FAM120B: variants seen among roughly 807,000 people sequenced by gnomAD.
The protein encoded by FAM120B is constitutive coactivator of peroxisome proliferator-activated receptor gamma.
FAM120B carries 83 observed loss-of-function variants against 96.3 expected under a neutral mutation model. That is an observed-to-expected ratio of 0.86 (90% CI 0.72 to 1.03). The LOEUF is 1.03. FAM120B is among the 50% of genes least tolerant of loss of function. The pLI is 0.00. For missense variants in FAM120B, 1,027 were observed against 1,121.2 expected (o/e 0.92, Z 1.20); for synonymous variants, 407 against 402.7 (o/e 1.01, Z -0.13).
intron 3 of FAM120B, among the ~76,000 whole-genome samples, chr6:170,324,190 A>C (rs926286090): frequency 1.7e-4 from 26 of 152,226 alleles, no homozygotes; most frequent in African/African-American, 4.8e-4. Flanking sequence ...TGGTGATAGA[A>C]TCATCAGATG....
Position 170,318,860 on chromosome 6 carries a change from C to T in FAM120B, c.1470C>T (p.Asp490=). The change falls in exon 2 of 11, where the codon GAC becomes GAT. Residue 490 remains aspartate (D), a synonymous_variant. Transcript: ENST00000476287. ...ESRQEVLIRT[D]PESRQEIMCT... ...GGCAAGAAGTTTTAATACGGACAGA[C>T]CCTGAATCTAGGCAAGAAATTATGT... 1 of 1,614,156 alleles carries T rather than the reference C, an allele frequency of 6.2e-7. No individual in the cohort carries two copies. Among genetic ancestry groups the T allele is most frequent in the Non-Finnish European group, 8.5e-7 (1 of 1,180,028 alleles).
chr6:170,299,368 C>T (rs1784094521), intron 1 of FAM120B, among the ~76,000 whole-genome samples: 1 of 152,210 alleles, frequency 6.6e-6, no homozygotes, highest in Admixed American at 6.5e-5. Context: ...TCTGTAGTGA[C>T]ACTGTCTTCC....
intron 6 of FAM120B, among the ~76,000 whole-genome samples, chr6:170,373,795 A>G (rs1750022635): frequency 6.6e-6 from 1 of 152,238 alleles, no homozygotes; most frequent in Admixed American, 6.5e-5. Context: ...TGCAATGAAC[A>G]CACTTTTAAA....
Position 170,401,097 on chromosome 6 carries a change from T to C in FAM120B, c.2693-3453T>C, listed in dbSNP as rs568959707. On this transcript the variant is annotated intron_variant, in intron 9 of 10. Coordinates refer to ENST00000476287, the MANE Select transcript of FAM120B (RefSeq NM_032448.3). The stretch of plus-strand genomic sequence containing the variant: ...ATTAAAACAGCATAATGACTTTCCA[T>C]AGGCGGAATTGTAGCTAGTCATCCT... 1.4e-3 allele frequency among the ~76,000 whole-genome samples: 206 copies of C among 152,334 alleles called. 1 individual carries two copies. Among genetic ancestry groups the C allele is most frequent in the African/African-American group, 4.7e-3 (197 of 41,572 alleles).
chr6:170,374,085 T>C (rs1789365862), intron 6 of FAM120B, among the ~76,000 whole-genome samples: 1 of 152,232 alleles, frequency 6.6e-6, no homozygotes, highest in Non-Finnish European at 1.5e-5. Flanking sequence ...GAAAGCCTTG[T>C]TGAGGAAACT....
intron 8 of FAM120B, among the ~76,000 whole-genome samples, chr6:170,392,023 T>G (rs1193846322): frequency 6.6e-6 from 1 of 152,236 alleles, no homozygotes; most frequent in East Asian, 1.9e-4. Flanking sequence ...CATTTTTTTC[T>G]CATTACTCCT....
At chr6:170,293,528 G>A (rs1268498670), upstream of FAM120B, among the ~76,000 whole-genome samples, 2 of 152,090 alleles carry the variant, frequency 1.3e-5, no homozygotes, top group Non-Finnish European at 1.5e-5. Context: ...GAACTGAAAG[G>A]CATCGTAAAA....
In FAM120B at chr6:170,378,599, G is replaced by C. The variant is rs185992781; in HGVS notation, c.2284-9688G>C. 9.8e-5 allele frequency among the ~76,000 whole-genome samples: 15 copies of C among 152,332 alleles called. No individual in the cohort carries two copies. In the South Asian group the frequency reaches 2.3e-3, roughly 23 times the overall value. ...ACCCTTGTCGGATCTGCAGCCTAGA[G>C]GGGGAAGAGACAGGAGGCAGGAAGC... On this transcript the variant is annotated intron_variant, in intron 6 of 10. Transcript: ENST00000476287.
intron 6 of FAM120B, among the ~76,000 whole-genome samples, chr6:170,366,548 CAG>C (rs1788813754): frequency 6.6e-6 from 1 of 152,126 alleles, no homozygotes; most frequent in African/African-American, 2.4e-5. Flanking sequence ...CTACACCCGT[CAG>C]GGGCCCATGT....
At chr6:170,356,955 A>C (rs1380710818) in intron 5 of FAM120B, among the ~76,000 whole-genome samples, 2 of 152,208 alleles carry the variant, frequency 1.3e-5, no homozygotes, top group Non-Finnish European at 2.9e-5. Context: ...GGTGAGTAAG[A>C]GCATTGGCAG....
In FAM120B at chr6:170,318,477, C is replaced by T. The variant is rs141136134; in HGVS notation, c.1087C>T (p.Arg363Ter). 602 of 1,589,216 alleles carry T rather than the reference C, an allele frequency of 3.8e-4. 1 individual carries two copies. Among genetic ancestry groups the T allele is most frequent in the Admixed American group, 4.8e-4 (28 of 58,658 alleles). The change falls in exon 2 of 11, where the codon CGA becomes TGA. Residue 363 changes from arginine to a stop codon, truncating the protein, a stop_gained. Coordinates refer to ENST00000476287, the MANE Select transcript of FAM120B (RefSeq NM_032448.3). LOFTEE classifies it high-confidence loss of function. ...CATGTGTACAGGCCCTGAATCCAGGCGAGAAGTTCCCGTGTATACAGATTC... is the reference window on the plus strand; with the variant it reads ...CATGTGTACAGGCCCTGAATCCAGGTGAGAAGTTCCCGTGTATACAGATTC... ...VPMCTGPESR[R>*]EVPVYTDSEP... is the part of the protein sequence containing the mutation.
rs575661893 is a variant in FAM120B at position 170,388,820 on chromosome 6, T to A, written c.2490+327T>A. Among the ~76,000 whole-genome samples, 10 of 152,338 alleles carry A rather than the reference T, an allele frequency of 6.6e-5. No individual in the cohort carries two copies. The South Asian group carries it at 2.1e-3, about 32-fold the overall frequency. ...ATCCTTCTGCAGTGGAAAACCTGTA[T>A]ATAATTTTTGACTCCCCCAAAACGT... On this transcript the variant is annotated intron_variant, in intron 7 of 10. Coordinates refer to ENST00000476287, the MANE Select transcript of FAM120B (RefSeq NM_032448.3).
chr6:170,373,864 G>A (rs1219171710), intron 6 of FAM120B, among the ~76,000 whole-genome samples: 1 of 152,182 alleles, frequency 6.6e-6, no homozygotes, highest in African/African-American at 2.4e-5. Flanking sequence ...AGGTGTTCTT[G>A]TTGATGCCGG....
chr6:170,306,361 C>A (rs959468069), upstream of FAM120B, among the ~76,000 whole-genome samples: 19 of 152,142 alleles, frequency 1.2e-4, no homozygotes, highest in African/African-American at 4.3e-4. Context: ...CCGCCTGGGC[C>A]GCGCTCGCAC....
Position 170,318,219 on chromosome 6 carries a change from T to A in FAM120B, c.829T>A (p.Leu277Met). 6.2e-7 allele frequency: 1 copy of A among 1,613,750 alleles called. No individual in the cohort carries two copies. The highest frequency in any genetic ancestry group is 8.5e-7 in the Non-Finnish European group (1 of 1,179,940). The change falls in exon 2 of 11, where the codon TTG becomes ATG. Residue 277 changes from leucine to methionine, a missense_variant. Physicochemically the swap from Leu to Met is conservative, Grantham distance 15. Coordinates refer to ENST00000476287, the MANE Select transcript of FAM120B (RefSeq NM_032448.3). ...AGACCATATATCGAAAGTTCTTTAC[T>A]TGTATCAAGGTGAGAAAAAATTAGA... ...VSDHISKVLYLYQGEKKLEEI... is the reference protein window; with the variant it reads ...VSDHISKVLYMYQGEKKLEEI...
chr6:170,293,018 G>A (rs1287828657), upstream of FAM120B, among the ~76,000 whole-genome samples: 2 of 152,080 alleles, frequency 1.3e-5, no homozygotes, highest in Non-Finnish European at 2.9e-5. Context: ...GACTCTATAG[G>A]GACTTGCTGT....
At chr6:170,365,861 G>A (rs1788757287) in intron 6 of FAM120B, among the ~76,000 whole-genome samples, 1 of 152,170 alleles carries the variant, frequency 6.6e-6, no homozygotes, top group African/African-American at 2.4e-5. Flanking sequence ...GCAAAGCCTG[G>A]CCAGTTGGTG....
intron 1 of FAM120B, among the ~76,000 whole-genome samples, chr6:170,314,919 A>G (rs543002610): frequency 2.3e-4 from 35 of 152,310 alleles, no homozygotes; most frequent in South Asian, 1.0e-3. Context: ...TCATGATTCA[A>G]ACTGTGAGAA....
Position 170,394,012 on chromosome 6 carries a change from G to C in FAM120B, c.2600-1475G>C, listed in dbSNP as rs188593787. On this transcript the variant is annotated intron_variant, in intron 8 of 10. Coordinates refer to ENST00000476287, the MANE Select transcript of FAM120B (RefSeq NM_032448.3). ...TGTTATTCTCAGTGTGTGGTCACAA[G>C]TGCTCATGCTGGAGGTGAGCTGGAG... is the stretch of plus-strand genomic sequence containing the variant. Among the ~76,000 whole-genome samples the C allele has an allele frequency of 2.0e-5, 3 of 152,358 alleles. No homozygotes were observed. In the East Asian group the frequency reaches 5.8e-4, roughly 29 times the overall value.
Sources: gnomAD v4.1 joint callset for allele counts (sites outside exome capture counted in the v4.1 genomes callset) on GRCh38, gnomAD v4.1.1 for gene constraint, MANE v1.5 for transcripts, NCBI Gene and HGNC (gene_info 2026-07-23, HGNC 2026-07-21) for gene names.